Variants in DHTKD1 observed in about 807,000 individuals in gnomAD.
The protein encoded by DHTKD1 is 2-oxoadipate dehydrogenase complex component E1.
A neutral mutation model predicts 101.8 loss-of-function variants in DHTKD1; 78 were observed. The observed-to-expected ratio is 0.77, with a 90% CI of 0.64 to 0.93. DHTKD1 has a LOEUF of 0.93. Among genes scored for constraint, DHTKD1 ranks in the 40% least tolerant of loss-of-function variants. The pLI is 0.00. For synonymous variants in DHTKD1, 462 were observed against 450.3 expected (o/e 1.03, Z -0.33); for missense variants, 1,223 against 1,161.7 (o/e 1.05, Z -0.77).
rs1246673651 is a variant in DHTKD1, at chr10:12,086,221, C to CTTTTTTTTTTTTTTT, written c.523-1310_523-1309insTTTTTTTTTTTTTTT. On this transcript the variant is annotated intron_variant, in intron 3 of 16. Coordinates refer to ENST00000263035, the MANE Select transcript of DHTKD1 (RefSeq NM_018706.7). ...TTAAAATTTATTTTTCTTTTGTTTT[C>CTTTTTTTTTTTTTTT]TTTTCTTTTTTTTTTTTTTGAGATG... 6.4e-5 allele frequency among the ~76,000 whole-genome samples: 5 copies of CTTTTTTTTTTTTTTT among 78,048 alleles called. 2 individuals are homozygous for CTTTTTTTTTTTTTTT. The highest frequency in any genetic ancestry group is 5.5e-4 in the South Asian group (1 of 1,832). The allele number at this position is 78,048 out of a possible 152,430, so 51.2% of individuals were successfully genotyped here.
intron 2 of DHTKD1, among the ~76,000 whole-genome samples, chr10:12,083,888 A>T (rs1208053084): frequency 1.4e-5 from 2 of 144,500 alleles, no homozygotes; most frequent in Non-Finnish European, 2.9e-5. Flanking sequence ...TTTAGAAAAA[A>T]ATCGAGATAA....
At chr10:12,090,094 G>A (rs1832962663) in intron 5 of DHTKD1, among the ~76,000 whole-genome samples, 2 of 152,044 alleles carry the variant, frequency 1.3e-5, no homozygotes, top group African/African-American at 2.4e-5. Flanking sequence ...AACACAACAA[G>A]TATCTTTTAG....
At chr10:12,114,743 C>T (rs1250937033) in intron 13 of DHTKD1, among the ~76,000 whole-genome samples, 6 of 151,542 alleles carry the variant, frequency 4.0e-5, no homozygotes, top group Non-Finnish European at 8.8e-5. Flanking sequence ...AGAAAAGCTG[C>T]GAGTGATTTG....
intron 13 of DHTKD1, 140 bp from the exon 14 acceptor site, chr10:12,117,533 G>A: frequency 1.5e-6 from 1 of 649,650 alleles, no homozygotes; most frequent in Non-Finnish European, 2.8e-6. Flanking sequence ...TTTTGGCAAG[G>A]CATTGCGTCT....
chr10:12,109,405 A>G lies in DHTKD1; in HGVS notation c.2154+1390A>G, dbSNP rs192519850. The stretch of plus-strand genomic sequence containing the variant: ...ATGACATGTGAAATGCAAAACTACT[A>G]GTTGTTGAAGAAACAGAGGAAATGA... On this transcript the variant is annotated intron_variant, in intron 12 of 16. Transcript: ENST00000263035. Among the ~76,000 whole-genome samples the G allele has an allele frequency of 4.6e-5, 7 of 151,756 alleles. No homozygotes were observed. In the East Asian group the frequency reaches 1.4e-3, roughly 29 times the overall value.
At chr10:12,089,298 T>C in intron 5 of DHTKD1, 43 bp downstream of exon 5, 1 of 1,583,304 alleles carries the variant, frequency 6.3e-7, no homozygotes, top group Non-Finnish European at 8.6e-7. Context: ...TGGGGAAAAC[T>C]GGGAAGAATG....
In DHTKD1 at chr10:12,121,174, C is replaced by A; in HGVS notation, c.*286C>A. 3.4e-6 allele frequency: 1 copy of A among 295,166 alleles called. No homozygotes were observed. Among genetic ancestry groups the A allele is most frequent in the African/African-American group, 2.4e-5 (1 of 42,208 alleles). 18.3% of individuals were successfully genotyped at this position (295,166 alleles called of 1,614,324 possible). A position where few individuals can be genotyped will look rare whatever the true frequency, so the allele number is the denominator to read the frequency against. On this transcript the variant is annotated 3_prime_UTR_variant, in exon 17 of 17. Transcript: ENST00000263035. ...GGCGGAGGTTGCAGTGAGCCAGGAT[C>A]ACACCATTGCTGTCCAGCCTGGGTG...
At chr10:12,079,334 C>G (rs895358432) in intron 1 of DHTKD1, among the ~76,000 whole-genome samples, 2 of 152,128 alleles carry the variant, frequency 1.3e-5, no homozygotes, top group African/African-American at 4.8e-5. Flanking sequence ...AAACCGGGTT[C>G]CTGCAATGCT....
In DHTKD1 at chr10:12,089,153, C is replaced by T. The variant is rs762727510; in HGVS notation, c.885C>T (p.Pro295=). The T allele has an allele frequency of 1.4e-5, 23 of 1,614,152 alleles. 1 individual carries two copies. The highest frequency in any genetic ancestry group is 4.4e-5 in the South Asian group (4 of 91,084). ...PNPSHLEAVN[P]VAVGKTRGRQ... ...CCTCGCACCTGGAGGCCGTCAACCC[C>T]GTGGCCGTGGGCAAAACTCGCGGCA... Residue 295 remains proline (P), a synonymous_variant, in exon 5 of 17, where the codon CCC becomes CCT. Coordinates refer to ENST00000263035, the MANE Select transcript of DHTKD1 (RefSeq NM_018706.7).
At position 12,094,180 on chromosome 10, in the gene DHTKD1, G is replaced by A. The variant is rs761350668; in HGVS notation, c.1267G>A (p.Val423Met). ...ATACCAACGCCAGTTCCGCAAGGAT[G>A]TGATTATTGATCTGTTGTGCTACAG... ...FEYQRQFRKD[V>M]IIDLLCYRQW... Residue 423 changes from valine to methionine, a missense_variant, in exon 7 of 17, where the codon GTG (valine) becomes ATG (methionine). Val to Met is a conservative substitution (Grantham distance 21). Transcript: ENST00000263035. The A allele has an allele frequency of 1.9e-5, 31 of 1,614,092 alleles. No homozygotes were observed. The highest frequency in any genetic ancestry group is 2.7e-5 in the African/African-American group (2 of 74,940).
At chr10:12,094,040 T>C in intron 6 of DHTKD1, 33 bp from the exon 7 acceptor site, 2 of 1,583,614 alleles carry the variant, frequency 1.3e-6, no homozygotes, top group Non-Finnish European at 1.7e-6. Flanking sequence ...CTGGGTTAAC[T>C]GTCCTGTTTC....
chr10:12,104,517 G>A (rs1722459), intron 10 of DHTKD1, among the ~76,000 whole-genome samples: 145,515 of 152,304 alleles, frequency 0.96, 69,885 homozygotes, highest in Middle Eastern at 1. Context: ...TAAAGATGTA[G>A]CTTAAACATA....
At position 12,076,262 on chromosome 10, in the gene DHTKD1, G is replaced by A. The variant is rs139718041; in HGVS notation, c.155-5210G>A. On this transcript the variant is annotated intron_variant, in intron 1 of 16. Transcript: ENST00000263035. ...GGAGGCCGCGGTGGGCGGATCACGA[G>A]GTCAGGAGATACAGACTATCCTGGC... Among the ~76,000 whole-genome samples the A allele has an allele frequency of 3.2e-3, 491 of 152,346 alleles. 4 individuals are homozygous for A. The highest frequency in any genetic ancestry group is 0.012 in the African/African-American group (483 of 41,590).
rs779736341 is a variant in DHTKD1, at chr10:12,087,717, G to A, written c.705G>A (p.Gln235=). ...GRLNLLTGLL[Q]FPPELMFRKM... The stretch of plus-strand genomic sequence containing the variant: ...TGAATTTATTGACAGGCCTTCTGCA[G>A]TTCCCTCCAGAGGTAAGGTTACTCG... Residue 235 remains glutamine (Q), a synonymous_variant, in exon 4 of 17, where the codon CAG becomes CAA. Transcript: ENST00000263035. The surrounding 1 kb of genome is among the most constrained non-coding windows in gnomAD (Gnocchi z 5.2). The A allele has an allele frequency of 6.2e-7, 1 of 1,601,636 alleles. No individual in the cohort carries two copies. The highest frequency in any genetic ancestry group is 8.5e-7 in the Non-Finnish European group (1 of 1,173,566).
chr10:12,069,340 A>G (rs1216553015), intron 1 of DHTKD1, among the ~76,000 whole-genome samples, 153 bp downstream of exon 1: 2 of 152,066 alleles, frequency 1.3e-5, no homozygotes, highest in African/African-American at 2.4e-5. Context: ...AGCAGAGGGT[A>G]GGTGTGGGTG....
intron 1 of DHTKD1, among the ~76,000 whole-genome samples, chr10:12,069,643 G>T (rs1832623116): frequency 7.8e-6 from 1 of 127,616 alleles, no homozygotes; most frequent in African/African-American, 2.9e-5. Context: ...CCACCTCAGC[G>T]TCCCGAGTAG....
chr10:12,086,665 C>T (rs1832907353), intron 3 of DHTKD1, among the ~76,000 whole-genome samples: 1 of 151,956 alleles, frequency 6.6e-6, no homozygotes, highest in African/African-American at 2.4e-5. Flanking sequence ...CTTTTGGTAA[C>T]AGGACATACT....
At chr10:12,120,635 TCC>T (rs1208311144) in intron 16 of DHTKD1, 150 bp from the exon 17 acceptor site, 4 of 693,230 alleles carry the variant, frequency 5.8e-6, no homozygotes, top group Non-Finnish European at 9.9e-6. Flanking sequence ...CGGAGCCCTG[TCC>T]CTCTAATCTC....
At chr10:12,102,416 C>G (rs933560668) in intron 10 of DHTKD1, among the ~76,000 whole-genome samples, 7 of 124,462 alleles carry the variant, frequency 5.6e-5, no homozygotes, top group African/African-American at 2.1e-4. Context: ...GAGCGAGACT[C>G]TGTCTCAAAA....
Sources: allele counts gnomAD v4.1 joint callset (sites outside exome capture counted in the v4.1 genomes callset), GRCh38; gene constraint gnomAD v4.1.1; non-coding constraint Gnocchi (gnomAD v3.1); transcripts MANE v1.5; gene names NCBI Gene and HGNC (gene_info 2026-07-23, HGNC 2026-07-21).